The following PDE2A variants were observed in gnomAD, a reference collection of about 807,000 sequenced individuals.
PDE2A encodes phosphodiesterase 2A.
In PDE2A, 53 loss-of-function variants were observed where a neutral mutation model predicts 133.6. The ratio of observed to expected loss-of-function variants is 0.40; its 90% confidence interval spans 0.32 to 0.50. The LOEUF (loss-of-function observed/expected upper bound fraction) is 0.50, where lower values mean the gene tolerates loss of function less well. Ranked by LOEUF, PDE2A falls within the 20% of genes least tolerant of loss-of-function variation. The pLI, the probability that PDE2A is intolerant of heterozygous loss-of-function variation, is 0.73. For missense variants in PDE2A, 796 were observed against 1,232.4 expected, an observed-to-expected ratio of 0.65 and a Z score of 5.30; for synonymous variants, 491 against 490.2, an observed-to-expected ratio of 1.00 and a Z score of -0.02.
intron 3 of PDE2A, among the ~76,000 whole-genome samples, chr11:72,607,068 C>A (rs970180380): frequency 6.6e-6 from 1 of 152,138 alleles, no homozygotes; most frequent in African/African-American, 2.4e-5. Flanking sequence ...GAGCAGACCT[C>A]AGCTCCCTTA....
In PDE2A at chr11:72,590,724, A is replaced by C; in HGVS notation, c.550-144T>G. 2.7e-6 allele frequency: 2 copies of C among 749,670 alleles called. No individual in the cohort carries two copies. The highest frequency in any genetic ancestry group is 3.9e-6 in the Non-Finnish European group (2 of 518,196). The allele number at this position is 749,670 out of a possible 1,614,324, so 46.4% of individuals were successfully genotyped here. A position where few individuals can be genotyped will look rare whatever the true frequency, so the allele number is the denominator to read the frequency against. ...GCCGTCCCAAACACCTCATCCCTGG[A>C]CTCTACCTTCCTGAGGGCTCCCCCG... On this transcript the variant is annotated intron_variant, in intron 7 of 30. Coordinates refer to ENST00000334456, the MANE Select transcript of PDE2A (RefSeq NM_002599.5). The surrounding 1 kb of genome is among the most constrained non-coding windows in gnomAD (Gnocchi z 4.8).
rs530824840 is a variant in PDE2A, at chr11:72,577,084, C to G, written c.*300G>C. 19 of 343,014 alleles carry G rather than the reference C, an allele frequency of 5.5e-5. No homozygotes were observed. Among genetic ancestry groups the G allele is most frequent in the African/African-American group, 3.9e-4 (19 of 49,050 alleles). 21.2% of individuals were successfully genotyped at this position (343,014 alleles called of 1,614,324 possible). A position where few individuals can be genotyped will look rare whatever the true frequency, so the allele number is the denominator to read the frequency against. ...AGGAGAAACCATCAAGCTGCTCAGACAAAGAATGGCTTGGGAAAGACTTGC... is the reference window on the plus strand; with the variant it reads ...AGGAGAAACCATCAAGCTGCTCAGAGAAAGAATGGCTTGGGAAAGACTTGC... On this transcript the variant is annotated 3_prime_UTR_variant, in exon 31 of 31. Transcript: ENST00000334456.
chr11:72,664,760 T>C (rs2135462240), intron 1 of PDE2A, among the ~76,000 whole-genome samples: 1 of 152,098 alleles, frequency 6.6e-6, no homozygotes, highest in South Asian at 2.1e-4. Context: ...TCTGTAAACA[T>C]TAGTTCTCTC....
intron 2 of PDE2A, among the ~76,000 whole-genome samples, chr11:72,625,802 C>T (rs1271331548): frequency 6.6e-6 from 1 of 152,206 alleles, no homozygotes; most frequent in Non-Finnish European, 1.5e-5. Context: ...AGGGCGCTGC[C>T]AAGCTCCCTC....
chr11:72,584,587 T>G lies in PDE2A; in HGVS notation c.1501A>C (p.Asn501His). ...TTCTTGATGGGGAAGCAGAGGATGT[T>G]GCGCGTGCGGAAGCCGGTGCTGTCG... ...VDDSTGFRTR[N>H]ILCFPIKNEN... The change falls in exon 18 of 31, where the codon AAC (asparagine) becomes CAC (histidine). Residue 501 changes from asparagine (N) to histidine (H), a missense_variant. Asn to His is a moderately conservative substitution (Grantham distance 68, BLOSUM62 1). Transcript: ENST00000334456. 6.2e-7 allele frequency: 1 copy of G among 1,612,380 alleles called. No individual in the cohort carries two copies. Among genetic ancestry groups the G allele is most frequent in the Non-Finnish European group, 8.5e-7 (1 of 1,179,962 alleles).
intron 2 of PDE2A, among the ~76,000 whole-genome samples, chr11:72,612,063 G>A (rs1023865084): frequency 2.5e-4 from 38 of 152,150 alleles, no homozygotes; most frequent in African/African-American, 8.4e-4. Context: ...AGGGGGCTTC[G>A]ATCTTAAAAG....
rs139322187 is a variant in PDE2A at position 72,637,470 on chromosome 11, C to A, written c.144+4784G>T. Among the ~76,000 whole-genome samples the A allele has an allele frequency of 2.3e-3, 347 of 152,358 alleles. 1 individual carries two copies. The highest frequency in any genetic ancestry group is 6.8e-3 in the Middle Eastern group (2 of 294). On this transcript the variant is annotated intron_variant, in intron 2 of 30. Coordinates refer to ENST00000334456, the MANE Select transcript of PDE2A (RefSeq NM_002599.5). Reference sequence around the variant, plus strand: ...GTCCACCTAGGAAGTCCTGGAAGTACACATGTGTGACTCAGACAGGAAGGG... The same window carrying A: ...GTCCACCTAGGAAGTCCTGGAAGTAAACATGTGTGACTCAGACAGGAAGGG...
chr11:72,655,941 T>C lies in PDE2A; in HGVS notation c.72-13615A>G, dbSNP rs553030974. ...GGCTCAGCCTCAGAGGAAGACCTGC[T>C]GTGCCCCCCTTCTCCCCAAACAAAA... On this transcript the variant is annotated intron_variant, in intron 1 of 30. Transcript: ENST00000334456. Among the ~76,000 whole-genome samples, 14 of 152,310 alleles carry C rather than the reference T, an allele frequency of 9.2e-5. No homozygotes were observed. The East Asian group carries it at 2.7e-3, about 29-fold the overall frequency.
At chr11:72,617,699 T>A (rs571934921) in intron 2 of PDE2A, among the ~76,000 whole-genome samples, 12 of 152,072 alleles carry the variant, frequency 7.9e-5, no homozygotes, top group Non-Finnish European at 1.6e-4. Flanking sequence ...TAAGAGCCGG[T>A]AGGGAACCCC....
chr11:72,619,435 C>T (rs1367001209), intron 2 of PDE2A, among the ~76,000 whole-genome samples: 1 of 152,118 alleles, frequency 6.6e-6, no homozygotes, highest in African/African-American at 2.4e-5. Flanking sequence ...TTCCCTGGGT[C>T]ACTGGGAGAA....
At chr11:72,631,090 G>A (rs1395934133) in intron 2 of PDE2A, 13 of 1,548,464 alleles carry the variant, frequency 8.4e-6, no homozygotes, top group African/African-American at 6.9e-5. Flanking sequence ...CCAGTCGGTC[G>A]TCTCTACTCC....
At chr11:72,582,657 C>T in intron 20 of PDE2A, 91 bp from the exon 21 acceptor site, 3 of 1,326,048 alleles carry the variant, frequency 2.3e-6, no homozygotes, top group Non-Finnish European at 2.1e-6. Context: ...GGGGATCCGT[C>T]ACCCAGAATG....
chr11:72,629,489 T>C (rs1011711913), intron 2 of PDE2A, among the ~76,000 whole-genome samples: 1 of 152,200 alleles, frequency 6.6e-6, no homozygotes, highest in African/African-American at 2.4e-5. Context: ...GTCCCAGCTC[T>C]GGGGGGAGCC....
intron 1 of PDE2A, among the ~76,000 whole-genome samples, chr11:72,665,935 GCAA>G (rs1855221793): frequency 1.3e-5 from 2 of 151,170 alleles, no homozygotes; most frequent in Non-Finnish European, 3.0e-5. Context: ...GAAAAAAAAA[GCAA>G]CTACTGCAAA....
intron 2 of PDE2A, among the ~76,000 whole-genome samples, chr11:72,626,366 A>G (rs1858066340): frequency 6.6e-6 from 1 of 152,206 alleles, no homozygotes; most frequent in African/African-American, 2.4e-5. Flanking sequence ...GCACAGACAG[A>G]TGGCAGGGCC....
intron 1 of PDE2A, among the ~76,000 whole-genome samples, chr11:72,673,476 C>A (rs762304983): frequency 6.6e-6 from 1 of 152,086 alleles, no homozygotes; most frequent in South Asian, 2.1e-4. Context: ...CGGCGCCCCC[C>A]ACTCACTTGC....
intron 1 of PDE2A, among the ~76,000 whole-genome samples, chr11:72,671,965 C>T (rs1322606189): frequency 1.3e-5 from 2 of 151,970 alleles, no homozygotes; most frequent in Non-Finnish European, 2.9e-5. Flanking sequence ...GTCTGCACTA[C>T]ACCCCTGACC....
rs1320298797 is a variant in PDE2A at position 72,578,417 on chromosome 11, C to T, written c.2508+59G>A. 3.2e-6 allele frequency: 5 copies of T among 1,585,962 alleles called. No homozygotes were observed. In the East Asian group the frequency reaches 8.9e-5, roughly 28 times the overall value. On this transcript the variant is annotated intron_variant, in intron 29 of 30. Transcript: ENST00000334456. The surrounding 1 kb of genome is among the most constrained non-coding windows in gnomAD (Gnocchi z 4.2). Reference sequence around the variant, plus strand: ...AGGGTCAGGCTAGTTCAAGCCCTCCCTGTCCCAGGCCAGGAACCCTCCCCC... The same window carrying T: ...AGGGTCAGGCTAGTTCAAGCCCTCCTTGTCCCAGGCCAGGAACCCTCCCCC...
chr11:72,616,195 G>T (rs1335226520), intron 2 of PDE2A, among the ~76,000 whole-genome samples: 1 of 152,194 alleles, frequency 6.6e-6, no homozygotes, highest in African/African-American at 2.4e-5. Context: ...TAATTGAATG[G>T]GTGGATGGAT....
Sources: allele counts gnomAD v4.1 joint callset (sites outside exome capture counted in the v4.1 genomes callset), GRCh38; gene constraint gnomAD v4.1.1; non-coding constraint Gnocchi (gnomAD v3.1); transcripts MANE v1.5; gene names NCBI Gene and HGNC (gene_info 2026-07-23, HGNC 2026-07-21).